Variants in PLXDC2 observed in about 807,000 individuals in gnomAD.
The protein encoded by PLXDC2 is plexin domain containing 2, also known as plexin domain-containing protein 2.
A neutral mutation model predicts 68.9 loss-of-function variants in PLXDC2; 40 were observed. That is an observed-to-expected ratio of 0.58 (90% confidence interval 0.45 to 0.76). The LOEUF (loss-of-function observed/expected upper bound fraction) is 0.76, where lower values mean the gene tolerates loss of function less well. Ranked by LOEUF, PLXDC2 falls within the 30% of genes least tolerant of loss-of-function variation. PLXDC2 has a pLI of 0.00. For synonymous variants in PLXDC2, 243 were observed against 234.2 expected (o/e 1.04, Z -0.34); for missense variants, 644 against 661.9 (o/e 0.97, Z 0.30).
intron 4 of PLXDC2, among the ~76,000 whole-genome samples, chr10:20,092,456 A>G (rs1172095284): frequency 1.3e-5 from 2 of 152,162 alleles, no homozygotes; most frequent in East Asian, 3.9e-4. Context: ...ATATTGGTTG[A>G]ATGGCCATGA....
chr10:20,035,157 C>T (rs2131671205), intron 2 of PLXDC2, among the ~76,000 whole-genome samples: 1 of 152,134 alleles, frequency 6.6e-6, no homozygotes, highest in East Asian at 1.9e-4. Context: ...GGAAAGTTAT[C>T]TTTATTTGCA....
intron 2 of PLXDC2, among the ~76,000 whole-genome samples, chr10:20,002,794 A>G (rs570296239): frequency 4.1e-4 from 63 of 152,264 alleles, no homozygotes; most frequent in Non-Finnish European, 8.1e-4. Context: ...AGGGAGGGGC[A>G]TGCTAGGCAG....
intron 1 of PLXDC2, among the ~76,000 whole-genome samples, chr10:19,956,830 G>A (rs1834077908): frequency 6.6e-6 from 1 of 152,156 alleles, no homozygotes; most frequent in Non-Finnish European, 1.5e-5. Flanking sequence ...ATGTCAATAC[G>A]GGAATGTGTA....
At chr10:19,820,136 TTTG>T (rs1039761994) in intron 1 of PLXDC2, among the ~76,000 whole-genome samples, 20 of 152,308 alleles carry the variant, frequency 1.3e-4, no homozygotes, top group African/African-American at 1.9e-4. Flanking sequence ...AAAGGTAATT[TTTG>T]TTGTTGTTGT....
intron 2 of PLXDC2, among the ~76,000 whole-genome samples, chr10:20,043,701 A>G (rs773020532): frequency 1.6e-4 from 25 of 152,136 alleles, no homozygotes; most frequent in Middle Eastern, 3.2e-3. Flanking sequence ...AATCTTTGTA[A>G]TAATACTGTC....
chr10:19,880,367 A>T (rs560883394), intron 1 of PLXDC2, among the ~76,000 whole-genome samples: 1 of 152,224 alleles, frequency 6.6e-6, no homozygotes, highest in Non-Finnish European at 1.5e-5. Context: ...CTGTACATAC[A>T]TGCCTATGAT....
intron 7 of PLXDC2, among the ~76,000 whole-genome samples, chr10:20,165,957 G>C (rs1383814152): frequency 6.6e-6 from 1 of 152,080 alleles, no homozygotes; most frequent in African/African-American, 2.4e-5. Context: ...GGGGTGGGGG[G>C]TGTTTGTGTC....
chr10:19,887,847 A>G (rs1251857439), intron 1 of PLXDC2, among the ~76,000 whole-genome samples: 2 of 152,236 alleles, frequency 1.3e-5, no homozygotes, highest in African/African-American at 4.8e-5. Context: ...ATAGTAATAG[A>G]GAGCTTTTTA....
At chr10:20,152,166 G>A (rs527711284) in intron 6 of PLXDC2, among the ~76,000 whole-genome samples, 3 of 152,054 alleles carry the variant, frequency 2.0e-5, no homozygotes, top group East Asian at 1.9e-4. Flanking sequence ...TTTTTGCAGT[G>A]CACACTAAAT....
At position 20,211,546 on chromosome 10, in the gene PLXDC2, T is replaced by C. The variant is rs1386344036; in HGVS notation, c.1062-123T>C. On this transcript the variant is annotated intron_variant, in intron 9 of 13. Transcript: ENST00000377252. ...CCAGTTGCGAGTTCTATAGAAGAGT[T>C]AATGTTATGCTAAACTGAAAATGTG... The C allele has an allele frequency of 5.1e-6, 4 of 785,026 alleles. No individual in the cohort carries two copies. In the African/African-American group the frequency reaches 7.0e-5, roughly 14 times the overall value. 48.6% of individuals were successfully genotyped at this position (785,026 alleles called of 1,614,324 possible).
At chr10:19,888,733 G>T (rs1837893325) in intron 1 of PLXDC2, among the ~76,000 whole-genome samples, 1 of 152,140 alleles carries the variant, frequency 6.6e-6, no homozygotes, top group Admixed American at 6.5e-5. Context: ...GAGGTTTGAG[G>T]TGGGATTGGC....
intron 4 of PLXDC2, among the ~76,000 whole-genome samples, chr10:20,106,498 T>C (rs895026471): frequency 6.6e-6 from 1 of 152,188 alleles, no homozygotes; most frequent in African/African-American, 2.4e-5. Context: ...GAGATGGTCC[T>C]TAGAGATAGC....
At chr10:19,874,488 C>T (rs893138944) in intron 1 of PLXDC2, among the ~76,000 whole-genome samples, 6 of 152,130 alleles carry the variant, frequency 3.9e-5, no homozygotes, top group Non-Finnish European at 5.9e-5. Flanking sequence ...TTGTAAAAGA[C>T]ATTGTAATGT....
intron 12 of PLXDC2, among the ~76,000 whole-genome samples, chr10:20,225,507 T>A (rs974231397): frequency 6.6e-6 from 1 of 152,166 alleles, no homozygotes; most frequent in Non-Finnish European, 1.5e-5. Context: ...ACATTTAGTT[T>A]TATGTTTGGT....
chr10:20,267,561 C>G (rs1245819294), intron 13 of PLXDC2, among the ~76,000 whole-genome samples: 7 of 152,116 alleles, frequency 4.6e-5, no homozygotes, highest in African/African-American at 1.7e-4. Context: ...AAGCAGCCTT[C>G]AACTTTGTTA....
intron 1 of PLXDC2, among the ~76,000 whole-genome samples, chr10:19,869,305 T>TC (rs1050724262): frequency 1.3e-5 from 2 of 151,776 alleles, no homozygotes; most frequent in African/African-American, 4.8e-5. Flanking sequence ...GCACCTGTGG[T>TC]CCCAGCTACT....
chr10:20,177,063 C>G lies in PLXDC2; in HGVS notation c.948C>G (p.Asn316Lys). 1 of 1,611,376 alleles carries G rather than the reference C, an allele frequency of 6.2e-7. No individual in the cohort carries two copies. The highest frequency in any genetic ancestry group is 8.5e-7 in the Non-Finnish European group (1 of 1,178,548). Reference sequence around the variant, plus strand: ...AGCTACAAATGTCAAAAATTACCAACATTTCGGCTGTGGAGATGACCCCAT... The same window carrying G: ...AGCTACAAATGTCAAAAATTACCAAGATTTCGGCTGTGGAGATGACCCCAT... ...RVELQMSKIT[N>K]ISAVEMTPLP... The change falls in exon 8 of 14, where the codon AAC (asparagine) becomes AAG (lysine). Residue 316 changes from asparagine to lysine, a missense_variant. Transcript: ENST00000377252.
intron 6 of PLXDC2, among the ~76,000 whole-genome samples, chr10:20,154,739 C>T (rs578006798): frequency 6.6e-6 from 1 of 152,066 alleles, no homozygotes; most frequent in Admixed American, 6.6e-5. Flanking sequence ...TGGACACAAA[C>T]TATAGGTGGA....
At chr10:20,274,149 CT>C (rs1448102677) in intron 13 of PLXDC2, among the ~76,000 whole-genome samples, 2 of 151,908 alleles carry the variant, frequency 1.3e-5, no homozygotes, top group Non-Finnish European at 2.9e-5. Context: ...AGAAAGTGTT[CT>C]TGGAAATATG....
Sources: gnomAD v4.1 joint callset for allele counts (sites outside exome capture counted in the v4.1 genomes callset) on GRCh38, gnomAD v4.1.1 for gene constraint, MANE v1.5 for transcripts, NCBI Gene and HGNC (gene_info 2026-07-23, HGNC 2026-07-21) for gene names.